The following SGCZ variants were observed in gnomAD, a reference collection of about 807,000 sequenced individuals.
SGCZ encodes the protein zeta-sarcoglycan.
Under a neutral mutation model 41.3 loss-of-function variants are expected in SGCZ, and 40 were observed. The ratio of observed to expected loss-of-function variants is 0.97; its 90% CI spans 0.75 to 1.26. The LOEUF is 1.26. Among genes scored for constraint, SGCZ ranks in the 50% most tolerant of loss-of-function variants. The pLI, the probability that SGCZ is intolerant of heterozygous loss-of-function variation, is 0.00. For missense variants in SGCZ, 552 were observed against 369.8 expected (o/e 1.49, Z -4.04); for synonymous variants, 206 against 137.5 (o/e 1.50, Z -3.49).
intron 5 of SGCZ, among the ~76,000 whole-genome samples, chr8:14,155,064 G>A (rs1050825394): frequency 1.3e-5 from 2 of 152,190 alleles, no homozygotes; most frequent in African/African-American, 2.4e-5. Flanking sequence ...TTGCTACAGA[G>A]AAATAGATAA....
intron 1 of SGCZ, among the ~76,000 whole-genome samples, chr8:14,985,806 A>G (rs1043559147): frequency 1.3e-5 from 2 of 152,214 alleles, no homozygotes; most frequent in Non-Finnish European, 2.9e-5. Flanking sequence ...CTCATTGAAT[A>G]TTTAGTTTTT....
At chr8:14,585,605 C>G (rs1805031402) in intron 1 of SGCZ, among the ~76,000 whole-genome samples, 1 of 151,884 alleles carries the variant, frequency 6.6e-6, no homozygotes, top group South Asian at 2.1e-4. Flanking sequence ...TTACTCTCAG[C>G]CTACAAAGGT....
At chr8:14,225,447 G>T (rs187920983) in intron 4 of SGCZ, among the ~76,000 whole-genome samples, 2 of 151,232 alleles carry the variant, frequency 1.3e-5, no homozygotes, top group East Asian at 3.9e-4. Context: ...TTGAGGCTGA[G>T]ATAAATGACC....
At chr8:14,164,554 T>C (rs769698834) in intron 5 of SGCZ, 26 bp downstream of exon 5, 1 of 1,612,062 alleles carries the variant, frequency 6.2e-7, no homozygotes, top group Non-Finnish European at 8.5e-7. Flanking sequence ...AAGTAAACAA[T>C]TTTTCAAGAC....
chr8:15,161,613 T>C (rs1022054474), intron 1 of SGCZ, among the ~76,000 whole-genome samples: 1 of 152,106 alleles, frequency 6.6e-6, no homozygotes, highest in Non-Finnish European at 1.5e-5. Context: ...AAAGTCAAGT[T>C]TGGGGAAAGA....
intron 1 of SGCZ, among the ~76,000 whole-genome samples, chr8:15,059,416 T>C (rs17655231): frequency 0.1 from 15,406 of 152,208 alleles, 989 homozygotes; most frequent in East Asian, 0.29. Context: ...ATAAATTTTC[T>C]AAGAATGACA....
rs186389302 is a variant in SGCZ at position 14,138,148 on chromosome 8, C to G, written c.547+26432G>C. Among the ~76,000 whole-genome samples the G allele has an allele frequency of 2.5e-3, 381 of 152,242 alleles. 7 individuals are homozygous for G. Among genetic ancestry groups the G allele is most frequent in the Non-Finnish European group, 8.1e-4 (55 of 68,010 alleles). ...CAAATGCTGACAGATTTTGTCACCA[C>G]CAGGCCTGCCTTACAAGAGCTCCTG... On this transcript the variant is annotated intron_variant, in intron 5 of 7. Transcript: ENST00000382080.
intron 4 of SGCZ, among the ~76,000 whole-genome samples, chr8:14,202,857 C>G (rs928182738): frequency 1.1e-4 from 17 of 152,142 alleles, no homozygotes; most frequent in Admixed American, 1.0e-3. Context: ...TTGGCTGTGT[C>G]TCCACCCAAA....
intron 2 of SGCZ, among the ~76,000 whole-genome samples, chr8:14,394,810 CATAT>C (rs1798859530): frequency 2.0e-5 from 3 of 152,150 alleles, no homozygotes; most frequent in Non-Finnish European, 4.4e-5. Flanking sequence ...AAATAATGAA[CATAT>C]TGTGTCTAAG....
intron 2 of SGCZ, among the ~76,000 whole-genome samples, chr8:14,534,748 C>T (rs531091968): frequency 6.6e-6 from 1 of 152,088 alleles, no homozygotes; most frequent in East Asian, 1.9e-4. Context: ...AAAGAAAGTA[C>T]AACTTTTATG....
At chr8:14,093,794 A>G (rs1217516628) in intron 7 of SGCZ, among the ~76,000 whole-genome samples, 1 of 152,132 alleles carries the variant, frequency 6.6e-6, no homozygotes, top group Non-Finnish European at 1.5e-5. Context: ...CCTTGGAAAT[A>G]ACTTTTCTAA....
intron 1 of SGCZ, among the ~76,000 whole-genome samples, chr8:14,786,431 T>C (rs1366423757): frequency 6.6e-6 from 1 of 152,172 alleles, no homozygotes; most frequent in East Asian, 1.9e-4. Context: ...GAAATTTCCA[T>C]GAAACTTGGA....
intron 2 of SGCZ, among the ~76,000 whole-genome samples, chr8:14,399,129 T>A (rs1799001540): frequency 6.6e-6 from 1 of 152,138 alleles, no homozygotes; most frequent in South Asian, 2.1e-4. Context: ...CTCCCATTGT[T>A]TTTGCTGAGC....
intron 4 of SGCZ, among the ~76,000 whole-genome samples, chr8:14,215,645 AAAAG>A (rs1805967877): frequency 6.6e-6 from 1 of 152,186 alleles, no homozygotes; most frequent in Admixed American, 6.5e-5. Flanking sequence ...CCAATATCAC[AAAAG>A]AAAGAGACCA....
chr8:14,606,233 A>G (rs1805744582), intron 1 of SGCZ, among the ~76,000 whole-genome samples: 1 of 152,126 alleles, frequency 6.6e-6, no homozygotes, highest in South Asian at 2.1e-4. Context: ...TCTTACAGAT[A>G]ATTTGATTTG....
At chr8:14,432,950 C>A (rs1449089658) in intron 2 of SGCZ, among the ~76,000 whole-genome samples, 3 of 142,744 alleles carry the variant, frequency 2.1e-5, no homozygotes, top group Non-Finnish European at 3.0e-5. Flanking sequence ...AAAGCTTACT[C>A]ATGTAACCAA....
chr8:14,267,364 T>C (rs1419680965), intron 3 of SGCZ, among the ~76,000 whole-genome samples: 1 of 152,072 alleles, frequency 6.6e-6, no homozygotes, highest in Non-Finnish European at 1.5e-5. Flanking sequence ...AGCGTTATCA[T>C]TTAAATTTTA....
At chr8:14,598,248 A>G (rs1345516084) in intron 1 of SGCZ, among the ~76,000 whole-genome samples, 3 of 149,618 alleles carry the variant, frequency 2.0e-5, no homozygotes, top group South Asian at 2.1e-4. Flanking sequence ...AACAATGTAC[A>G]TGGCCTCTTT....
chr8:14,398,421 G>A (rs1188929096), intron 2 of SGCZ, among the ~76,000 whole-genome samples: 1 of 151,872 alleles, frequency 6.6e-6, no homozygotes, highest in African/African-American at 2.4e-5. Context: ...TTTCACTTTT[G>A]TCACTAAAGG....
Sources: gnomAD v4.1 joint callset for allele counts (sites outside exome capture counted in the v4.1 genomes callset) on GRCh38, gnomAD v4.1.1 for gene constraint, MANE v1.5 for transcripts, NCBI Gene and HGNC (gene_info 2026-07-23, HGNC 2026-07-21) for gene names.